MAML3: variants seen among roughly 807,000 people sequenced by gnomAD.
MAML3 encodes the protein mastermind-like protein 3.
A neutral mutation model predicts 101.9 loss-of-function variants in MAML3; 27 were observed. The observed-to-expected ratio is 0.27, with a 90% CI of 0.20 to 0.37. The LOEUF is 0.37. Among genes scored for constraint, MAML3 ranks in the 10% least tolerant of loss-of-function variants. The pLI is 1.00. For missense variants in MAML3, 1,316 were observed against 1,444.9 expected (o/e 0.91, Z 1.45); for synonymous variants, 501 against 555.9 (o/e 0.90, Z 1.39).
chr4:140,017,478 C>T (rs1726660586), intron 1 of MAML3, among the ~76,000 whole-genome samples: 1 of 152,082 alleles, frequency 6.6e-6, no homozygotes, highest in Non-Finnish European at 1.5e-5. Context: ...ATTATATCCA[C>T]AGAAAACCCT....
At chr4:139,935,151 G>A (rs1176131078) in intron 1 of MAML3, among the ~76,000 whole-genome samples, 1 of 149,608 alleles carries the variant, frequency 6.7e-6, no homozygotes, top group African/African-American at 2.5e-5. Flanking sequence ...GAACACAGCC[G>A]ACTTCTCATG....
intron 1 of MAML3, among the ~76,000 whole-genome samples, chr4:140,043,422 A>G (rs891917484): frequency 1.3e-5 from 2 of 152,224 alleles, no homozygotes; most frequent in Non-Finnish European, 2.9e-5. Context: ...GGCCCCAGGA[A>G]AGCAATACTG....
intron 1 of MAML3, among the ~76,000 whole-genome samples, chr4:140,014,476 C>T (rs144645170): frequency 3.6e-4 from 55 of 152,230 alleles, no homozygotes; most frequent in East Asian, 1.3e-3. Flanking sequence ...GTCCAAACAA[C>T]GGAATACCAC....
At chr4:139,977,715 ATAC>A (rs1560855074) in intron 1 of MAML3, among the ~76,000 whole-genome samples, 1 of 152,016 alleles carries the variant, frequency 6.6e-6, no homozygotes, top group Non-Finnish European at 1.5e-5. Context: ...TCTACTAAAA[ATAC>A]AAAAATCAGC....
At chr4:139,788,745 C>T (rs1347653396) in intron 2 of MAML3, among the ~76,000 whole-genome samples, 1 of 152,248 alleles carries the variant, frequency 6.6e-6, no homozygotes, top group Non-Finnish European at 1.5e-5. Flanking sequence ...GACATGCCTC[C>T]TTCTTTTGTT....
chr4:139,733,675 G>C (rs745692995), intron 2 of MAML3, among the ~76,000 whole-genome samples: 1 of 152,000 alleles, frequency 6.6e-6, no homozygotes, highest in Non-Finnish European at 1.5e-5. Flanking sequence ...AGGAAGGGCT[G>C]TATGTATTAT....
At chr4:139,869,273 C>G (rs1731957941) in intron 2 of MAML3, among the ~76,000 whole-genome samples, 1 of 152,176 alleles carries the variant, frequency 6.6e-6, no homozygotes, top group South Asian at 2.1e-4. Context: ...TACTGGGGAA[C>G]TCTACTCTTT....
intron 2 of MAML3, among the ~76,000 whole-genome samples, chr4:139,739,110 G>A (rs1729064847): frequency 6.6e-6 from 1 of 152,178 alleles, no homozygotes; most frequent in Admixed American, 6.5e-5. Flanking sequence ...CAGATTTACT[G>A]AACTCAACTG....
intron 1 of MAML3, among the ~76,000 whole-genome samples, chr4:140,072,812 GACAGCTGT>G (rs1380696030): frequency 6.6e-6 from 1 of 152,182 alleles, no homozygotes; most frequent in Non-Finnish European, 1.5e-5. Flanking sequence ...GACACCAAGG[GACAGCTGT>G]ACCTCACCAG....
chr4:139,853,366 T>A (rs1231464678), intron 2 of MAML3, among the ~76,000 whole-genome samples: 1 of 152,160 alleles, frequency 6.6e-6, no homozygotes, highest in Non-Finnish European at 1.5e-5. Context: ...GAATAAATAA[T>A]CCTTGTATTC....
At chr4:140,120,620 C>T (rs953100050) in intron 1 of MAML3, among the ~76,000 whole-genome samples, 2 of 152,150 alleles carry the variant, frequency 1.3e-5, no homozygotes, top group South Asian at 2.1e-4. Context: ...TATAGTTAGT[C>T]CATCAGAATT....
At chr4:139,970,654 G>A (rs1734220637) in intron 1 of MAML3, among the ~76,000 whole-genome samples, 2 of 152,160 alleles carry the variant, frequency 1.3e-5, no homozygotes, top group African/African-American at 4.8e-5. Context: ...GAGGGAACAA[G>A]GTCAGCTAGA....
chr4:140,090,895 C>CA (rs1414890369), intron 1 of MAML3, among the ~76,000 whole-genome samples: 5 of 152,048 alleles, frequency 3.3e-5, no homozygotes, highest in African/African-American at 1.2e-4. Flanking sequence ...TACTTAAATA[C>CA]AAAAATTAGC....
chr4:139,951,375 C>T (rs1011868038), intron 1 of MAML3, among the ~76,000 whole-genome samples: 2 of 152,210 alleles, frequency 1.3e-5, no homozygotes, highest in Non-Finnish European at 2.9e-5. Context: ...AAAACAAATG[C>T]GGAAATGGAA....
chr4:140,152,441 G>A (rs1292815783), intron 1 of MAML3, among the ~76,000 whole-genome samples: 1 of 152,130 alleles, frequency 6.6e-6, no homozygotes, highest in Non-Finnish European at 1.5e-5. Context: ...TAGGGGGACG[G>A]GTCTGGGGAG....
chr4:139,769,649 T>C lies in MAML3; in HGVS notation c.2080-38982A>G, dbSNP rs531449410. Among the ~76,000 whole-genome samples, 48 of 152,200 alleles carry C rather than the reference T, an allele frequency of 3.2e-4. No homozygotes were observed. The East Asian group carries it at 3.5e-3, about 11-fold the overall frequency. ...TTTTTTTTTTTGACGGAGTTTCACT[T>C]TAGTTGCCCAGGCTGGAGTGCAGTG... On this transcript the variant is annotated intron_variant, in intron 2 of 4. Coordinates refer to ENST00000509479, the MANE Select transcript of MAML3 (RefSeq NM_018717.5).
At chr4:140,055,462 C>T (rs1298815594) in intron 1 of MAML3, among the ~76,000 whole-genome samples, 1 of 152,192 alleles carries the variant, frequency 6.6e-6, no homozygotes, top group Admixed American at 6.5e-5. Flanking sequence ...ATTCTTTTCA[C>T]TATATTACTG....
intron 1 of MAML3, among the ~76,000 whole-genome samples, chr4:139,949,009 A>AT (rs953165771): frequency 8.6e-5 from 13 of 150,368 alleles, no homozygotes; most frequent in African/African-American, 2.7e-4. Context: ...GGTAGTAGAA[A>AT]TTTTTTTTTT....
intron 1 of MAML3, among the ~76,000 whole-genome samples, chr4:140,018,492 T>C (rs1726682312): frequency 6.6e-6 from 1 of 152,214 alleles, no homozygotes; most frequent in Admixed American, 6.5e-5. Flanking sequence ...GGACAGGTAT[T>C]TGGCCCCGAG....
Sources: allele counts gnomAD v4.1 joint callset (sites outside exome capture counted in the v4.1 genomes callset), GRCh38; gene constraint gnomAD v4.1.1; transcripts MANE v1.5; gene names NCBI Gene and HGNC (gene_info 2026-07-23, HGNC 2026-07-21).